SPMIP4: variants seen among roughly 807,000 people sequenced by gnomAD.
SPMIP4 encodes sperm microtubule inner protein 4.
At chr7:25,135,975 A>G in the SPMIP4 span, 3 of 1,588,178 alleles carry the variant, frequency 1.9e-6, no homozygotes, top group East Asian at 4.5e-5. Flanking sequence ...GAGTATCTCA[A>G]TTATAGAAAT....
the SPMIP4 span, chr7:25,136,756 G>A: frequency 2.5e-6 from 4 of 1,612,892 alleles, no homozygotes; most frequent in African/African-American, 2.7e-5. The surrounding 1 kb of genome is among the most constrained non-coding windows in gnomAD (Gnocchi z 5.7). Flanking sequence ...TCCTTCCAAC[G>A]GTCTGGGAGG....
At chr7:25,161,101 C>T in the SPMIP4 span, 1 of 689,186 alleles carries the variant, frequency 1.5e-6, no homozygotes, top group East Asian at 3.1e-5. Flanking sequence ...TAAAAGTCCC[C>T]ATTTGGGGCT....
chr7:25,157,186 T>C, the SPMIP4 span, among the ~76,000 whole-genome samples: 2 of 152,204 alleles, frequency 1.3e-5, no homozygotes, highest in Admixed American at 6.5e-5. Context: ...GCTACCTAAG[T>C]ACTAAAGCAC....
At chr7:25,155,003 C>A in the SPMIP4 span, 1 of 1,607,152 alleles carries the variant, frequency 6.2e-7, no homozygotes, top group South Asian at 1.1e-5. Flanking sequence ...TTCCAGGTCA[C>A]ATTTTACCTC....
the SPMIP4 span, among the ~76,000 whole-genome samples, chr7:25,159,185 T>C: frequency 6.6e-6 from 1 of 152,220 alleles, no homozygotes; most frequent in African/African-American, 2.4e-5. Flanking sequence ...TGCAATTTCA[T>C]AGCCTAAAGT....
the SPMIP4 span, among the ~76,000 whole-genome samples, chr7:25,170,183 CAT>C: frequency 0.08 from 12,222 of 152,182 alleles, 1,652 homozygotes; most frequent in African/African-American, 0.28. Context: ...AGTATCTCCA[CAT>C]CTTTGCCAAC....
the SPMIP4 span, chr7:25,135,965 G>A: frequency 1.3e-6 from 2 of 1,574,942 alleles, no homozygotes; most frequent in South Asian, 1.2e-5. Context: ...AGGGAAGAAT[G>A]AGTATCTCAA....
chr7:25,133,832 C>T, the SPMIP4 span, among the ~76,000 whole-genome samples: 44 of 152,248 alleles, frequency 2.9e-4, no homozygotes, highest in African/African-American at 1.0e-3. Flanking sequence ...TTCAGCTTAT[C>T]CATTGCTCTA....
the SPMIP4 span, among the ~76,000 whole-genome samples, chr7:25,174,918 T>C: frequency 1.3e-5 from 2 of 152,344 alleles, no homozygotes; most frequent in Non-Finnish European, 2.9e-5. This position sits in a 1 kb window ranked among gnomAD's most constrained non-coding sequence, Gnocchi z 4.5. Flanking sequence ...TTATATAAAA[T>C]AGTGGCTAGC....
the SPMIP4 span, among the ~76,000 whole-genome samples, chr7:25,165,009 C>T: frequency 0.19 from 28,188 of 152,150 alleles, 3,813 homozygotes; most frequent in African/African-American, 0.38. Context: ...GCCACATTTT[C>T]TCCATCTACT....
At chr7:25,135,382 T>G in the SPMIP4 span, 1 of 985,518 alleles carries the variant, frequency 1.0e-6, no homozygotes, top group Non-Finnish European at 1.2e-6. Context: ...GGGTTTCATT[T>G]TTTTCGCTGA....
At chr7:25,142,325 C>T in the SPMIP4 span, 295 of 1,600,362 alleles carry the variant, frequency 1.8e-4, 1 homozygote, top group South Asian at 2.9e-3. Context: ...GGTCCATGGG[C>T]CCCAGACCTT....
the SPMIP4 span, chr7:25,168,511 T>G: frequency 7.0e-7 from 1 of 1,425,568 alleles, no homozygotes. Flanking sequence ...ACATAACAGA[T>G]GCATAAAATT....
the SPMIP4 span, among the ~76,000 whole-genome samples, chr7:25,160,871 G>T: frequency 2.0e-5 from 3 of 152,136 alleles, no homozygotes; most frequent in African/African-American, 7.2e-5. Context: ...AATAAATGTA[G>T]CAGATTCTTA....
At chr7:25,161,181 A>G in the SPMIP4 span, 1 of 1,508,808 alleles carries the variant, frequency 6.6e-7, no homozygotes, top group Non-Finnish European at 9.0e-7. Context: ...AAAAAAACCC[A>G]GACTTACAAA....
At chr7:25,156,754 C>A in the SPMIP4 span, among the ~76,000 whole-genome samples, 1 of 152,156 alleles carries the variant, frequency 6.6e-6, no homozygotes. Flanking sequence ...ATGGCAGGAT[C>A]TCAGCTCACT....
chr7:25,142,466 C>T, the SPMIP4 span: 1 of 835,094 alleles, frequency 1.2e-6, no homozygotes. Flanking sequence ...AACCCTACCT[C>T]CCAGCTACCT....
chr7:25,161,291 T>C, the SPMIP4 span: 22 of 1,246,794 alleles, frequency 1.8e-5, no homozygotes, highest in Non-Finnish European at 2.5e-5. Flanking sequence ...AAATTAAACA[T>C]GTTTTAAAAT....
At chr7:25,169,370 T>A in the SPMIP4 span, among the ~76,000 whole-genome samples, 1 of 151,986 alleles carries the variant, frequency 6.6e-6, no homozygotes, top group Non-Finnish European at 1.5e-5. Flanking sequence ...TAAGCCATCA[T>A]CCCCTATACT....
Sources: allele counts gnomAD v4.1 joint callset (sites outside exome capture counted in the v4.1 genomes callset), GRCh38; gene constraint gnomAD v4.1.1; non-coding constraint Gnocchi (gnomAD v3.1); transcripts MANE v1.5; gene names NCBI Gene and HGNC (gene_info 2026-07-23, HGNC 2026-07-21).